LPA: variants seen among roughly 807,000 people sequenced by gnomAD.
The protein encoded by LPA is apolipoprotein(a).
Under a neutral mutation model 197.9 loss-of-function variants are expected in LPA, and 199 were observed. The ratio of observed to expected loss-of-function variants is 1.01; its 90% CI spans 0.90 to 1.13. The LOEUF (loss-of-function observed/expected upper bound fraction) is 1.13. Among genes scored for constraint, LPA ranks in the 50% most tolerant of loss-of-function variants. The probability of loss-of-function intolerance (pLI) is 0.00; values close to 1 mark genes in which losing one functional copy is unlikely to be tolerated. For missense variants in LPA, 1,853 were observed against 1,785.8 expected (o/e 1.04, Z -0.68); for synonymous variants, 715 against 639.5 (o/e 1.12, Z -1.78).
intron 18 of LPA, among the ~76,000 whole-genome samples, chr6:160,602,264 T>C (rs1779258872): frequency 6.6e-6 from 1 of 152,236 alleles, no homozygotes; most frequent in East Asian, 1.9e-4. Context: ...TGGAAAATTC[T>C]TATTATATAA....
intron 30 of LPA, among the ~76,000 whole-genome samples, chr6:160,555,294 A>AGC (rs369117578): frequency 7.5e-6 from 1 of 133,872 alleles, no homozygotes; most frequent in Admixed American, 7.8e-5. Context: ...ATTATATGTT[A>AGC]GTGTGTGTGT....
intron 28 of LPA, among the ~76,000 whole-genome samples, chr6:160,571,282 G>T (rs1021835024): frequency 6.6e-6 from 1 of 152,060 alleles, no homozygotes; most frequent in African/African-American, 2.4e-5. Context: ...CTTTTTCAAG[G>T]TTCTTAGCTT....
chr6:160,647,012 G>A (rs1033084692), intron 2 of LPA, among the ~76,000 whole-genome samples: 3 of 152,032 alleles, frequency 2.0e-5, no homozygotes, highest in Admixed American at 6.6e-5. Context: ...ATATCATGTC[G>A]GTCAAGTAGG....
intron 16 of LPA, among the ~76,000 whole-genome samples, chr6:160,611,138 G>C (rs1270764446): frequency 6.6e-6 from 1 of 152,070 alleles, no homozygotes; most frequent in Non-Finnish European, 1.5e-5. Flanking sequence ...CAATTCACCT[G>C]TCCATAAGTA....
At chr6:160,602,459 G>T (rs35499210) in intron 18 of LPA, among the ~76,000 whole-genome samples, 25,676 of 152,124 alleles carry the variant, frequency 0.17, 2,920 homozygotes, top group East Asian at 0.46. Flanking sequence ...CTCTACATAT[G>T]CTAAAGTTAA....
At position 160,635,175 on chromosome 6, in the gene LPA, G is replaced by C. The variant is rs753368052; in HGVS notation, c.1023C>G (p.Val341=). The change falls in exon 7 of 39, where the codon GTC becomes GTG. Residue 341 remains valine, a synonymous_variant. Transcript: ENST00000316300. The part of the protein sequence containing the change: ...TQCSDAEGTA[V]APPTVTPVPS... The stretch of plus-strand genomic sequence containing the variant: ...GAACCGGGGTAACAGTCGGAGGCGC[G>C]ACGGCAGTCCCTTCTGCGTCTGAGC... 1 of 1,469,986 alleles carries C rather than the reference G, an allele frequency of 6.8e-7. No individual in the cohort carries two copies. The highest frequency in any genetic ancestry group is 1.6e-5 in the African/African-American group (1 of 61,610). 91.1% of individuals were successfully genotyped at this position (1,469,986 alleles called of 1,614,324 possible). A position where few individuals can be genotyped will look rare whatever the true frequency, so the allele number is the denominator to read the frequency against.
chr6:160,648,945 G>A (rs1582898539), intron 2 of LPA, among the ~76,000 whole-genome samples: 1 of 152,178 alleles, frequency 6.6e-6, no homozygotes, highest in East Asian at 1.9e-4. Context: ...ACACTAAAAG[G>A]TTTCTATGTG....
intron 7 of LPA, among the ~76,000 whole-genome samples, chr6:160,634,479 C>G (rs1779760656): frequency 7.5e-6 from 1 of 133,398 alleles, no homozygotes; most frequent in South Asian, 2.4e-4. Context: ...GGAATCTTCT[C>G]ATGCCCTGCA....
At chr6:160,651,355 A>C (rs1780002685) in intron 1 of LPA, among the ~76,000 whole-genome samples, 1 of 152,206 alleles carries the variant, frequency 6.6e-6, no homozygotes, top group African/African-American at 2.4e-5. Flanking sequence ...AAAATCTAAT[A>C]ATAGATAGGA....
intron 28 of LPA, among the ~76,000 whole-genome samples, chr6:160,573,041 T>C (rs755440233): frequency 2.0e-5 from 3 of 152,182 alleles, no homozygotes; most frequent in Non-Finnish European, 4.4e-5. Context: ...AAGCTTTTAG[T>C]ATTGTCTTTT....
chr6:160,575,331 C>T (rs966805967), intron 28 of LPA, among the ~76,000 whole-genome samples: 1 of 152,106 alleles, frequency 6.6e-6, no homozygotes, highest in Non-Finnish European at 1.5e-5. Context: ...TTTGCTAATT[C>T]TATCATTTCT....
At chr6:160,634,441 C>A in intron 7 of LPA, among the ~76,000 whole-genome samples, 1 of 124,364 alleles carries the variant, frequency 8.0e-6, no homozygotes, top group African/African-American at 3.5e-5. Context: ...GTGTGCACGC[C>A]AAAACCTTCT....
intron 16 of LPA, 32 bp from the exon 17 acceptor site, chr6:160,606,690 A>G: frequency 3.1e-6 from 5 of 1,612,762 alleles, no homozygotes; most frequent in Non-Finnish European, 4.2e-6. Flanking sequence ...ACGTCACAAG[A>G]GGTGGGACAA....
chr6:160,583,608 T>G (rs1778840709), intron 26 of LPA, among the ~76,000 whole-genome samples: 1 of 152,210 alleles, frequency 6.6e-6, no homozygotes, highest in Admixed American at 6.5e-5. Flanking sequence ...TAGCTGTTCT[T>G]TGTTCTCCTT....
At chr6:160,559,155 C>A (rs1283861842) in intron 28 of LPA, among the ~76,000 whole-genome samples, 4 of 152,222 alleles carry the variant, frequency 2.6e-5, no homozygotes, top group African/African-American at 9.6e-5. Flanking sequence ...CCCAGAAACT[C>A]TCTTGAGTCC....
Position 160,541,173 on chromosome 6 carries a change from T to C in LPA, c.5528A>G (p.Lys1843Arg), listed in dbSNP as rs1219786624. 6 of 1,613,232 alleles carry C rather than the reference T, an allele frequency of 3.7e-6. No homozygotes were observed. Among genetic ancestry groups the C allele is most frequent in the African/African-American group, 2.7e-5 (2 of 74,926 alleles). ...WQVSLRTRFG[K>R]HFCGGTLISP... ...TATTAAGGTGCCTCCACAGAAGTGC[T>C]TTCCAAACCTAGAAAGAAAACATGC... is the stretch of plus-strand genomic sequence containing the variant. Residue 1843 changes from lysine to arginine, a missense_variant, in exon 35 of 39, where the codon AAG (lysine) becomes AGG (arginine). Coordinates refer to ENST00000316300, the MANE Select transcript of LPA (RefSeq NM_005577.4).
chr6:160,635,481 C>T (rs1206877234), intron 6 of LPA, among the ~76,000 whole-genome samples, 177 bp from the exon 7 acceptor site: 42 of 100,512 alleles, frequency 4.2e-4, no homozygotes, highest in African/African-American at 1.9e-3. Flanking sequence ...CCTCTCTGCA[C>T]ATCTCTCATA....
At chr6:160,593,551 A>T (rs1358226960) in intron 22 of LPA, among the ~76,000 whole-genome samples, 1 of 152,178 alleles carries the variant, frequency 6.6e-6, no homozygotes, top group Non-Finnish European at 1.5e-5. Flanking sequence ...GTCAACATAG[A>T]TATCCTTTAT....
chr6:160,531,594 T>C lies in LPA; in HGVS notation c.*135A>G, dbSNP rs1554229713. 1 of 1,218,148 alleles carries C rather than the reference T, an allele frequency of 8.2e-7. No individual in the cohort carries two copies. Among genetic ancestry groups the C allele is most frequent in the Non-Finnish European group, 1.2e-6 (1 of 837,212 alleles). 75.5% of individuals were successfully genotyped at this position (1,218,148 alleles called of 1,614,324 possible). A position where few individuals can be genotyped will look rare whatever the true frequency, so the allele number is the denominator to read the frequency against. ...AGCTTATACACAAAAATACCAAAAA[T>C]GCCAAGGTTTGGCATAGCTGGTAGC... On this transcript the variant is annotated 3_prime_UTR_variant, in exon 39 of 39. Coordinates refer to ENST00000316300, the MANE Select transcript of LPA (RefSeq NM_005577.4).
Sources: allele counts gnomAD v4.1 joint callset (sites outside exome capture counted in the v4.1 genomes callset), GRCh38; gene constraint gnomAD v4.1.1; transcripts MANE v1.5; gene names NCBI Gene and HGNC (gene_info 2026-07-23, HGNC 2026-07-21).